Variants in RAPGEF2 observed in about 807,000 individuals in gnomAD.
The protein encoded by RAPGEF2 is PDZ domain containing guanine nucleotide exchange factor (GEF) 1.
A neutral mutation model predicts 186.7 loss-of-function variants in RAPGEF2; 54 were observed. The ratio of observed to expected loss-of-function variants is 0.29; its 90% CI spans 0.23 to 0.36. RAPGEF2 has a LOEUF of 0.36. Ranked by LOEUF, RAPGEF2 falls within the 10% of genes least tolerant of loss-of-function variation. RAPGEF2 has a pLI of 1.00. For missense variants in RAPGEF2, 1,532 were observed against 2,045.0 expected, an observed-to-expected ratio of 0.75 and a Z score of 4.84; for synonymous variants, 712 against 705.9, an observed-to-expected ratio of 1.01 and a Z score of -0.14.
intron 9 of RAPGEF2, among the ~76,000 whole-genome samples, chr4:159,315,006 C>G (rs2111111572): frequency 6.6e-6 from 1 of 150,806 alleles, no homozygotes; most frequent in Admixed American, 6.6e-5. Context: ...ACCCTTTCCA[C>G]ATAAACCCTT....
At position 159,358,116 on chromosome 4, in the gene RAPGEF2, G is replaced by A; in HGVS notation, c.4960G>A (p.Asp1654Asn). ...TTTCTTCCCTGCTGTATTTGCAGAAGATGAACAAGTTTCTGCTGTTTGAGG... is the reference window on the plus strand; with the variant it reads ...TTTCTTCCCTGCTGTATTTGCAGAAAATGAACAAGTTTCTGCTGTTTGAGG... ...SQGFSTEEDE[D>N]EQVSAV Residue 1654 changes from aspartate to asparagine, a missense_variant and splice_region_variant, in exon 30 of 30, where the codon GAT (aspartate) becomes AAT (asparagine). By Grantham distance (23) the Asp-to-Asn change is conservative (BLOSUM62 1). Transcript: ENST00000691494. 2 of 1,612,146 alleles carry A rather than the reference G, an allele frequency of 1.2e-6. No homozygotes were observed. Among genetic ancestry groups the A allele is most frequent in the Non-Finnish European group, 8.5e-7 (1 of 1,179,258 alleles).
At chr4:159,111,156 T>C (rs531669177) in intron 1 of RAPGEF2, among the ~76,000 whole-genome samples, 1 of 152,238 alleles carries the variant, frequency 6.6e-6, no homozygotes, top group South Asian at 2.1e-4. Flanking sequence ...CTTGGTGCGG[T>C]GGTGGTGGGT....
At chr4:159,342,551 ATATTATTTTATT>A (rs1729639978) in intron 20 of RAPGEF2, among the ~76,000 whole-genome samples, 8 of 103,072 alleles carry the variant, frequency 7.8e-5, no homozygotes, top group African/African-American at 1.9e-4. Context: ...ATTTTATTTT[ATATTATTTTATT>A]TTATTTTATT....
At chr4:159,124,409 C>T (rs991949822) in intron 1 of RAPGEF2, among the ~76,000 whole-genome samples, 4 of 151,694 alleles carry the variant, frequency 2.6e-5, no homozygotes, top group East Asian at 2.0e-4. Context: ...CATGGTGGCA[C>T]GCGCCTGTAG....
At chr4:159,351,957 A>C (rs967435484) in intron 26 of RAPGEF2, among the ~76,000 whole-genome samples, 19 of 152,192 alleles carry the variant, frequency 1.2e-4, no homozygotes, top group Non-Finnish European at 1.9e-4. Context: ...TCTCAAAAAC[A>C]AAAAAATCAA....
chr4:159,329,836 T>A, intron 11 of RAPGEF2, 22 bp from the exon 12 acceptor site: 1 of 1,600,604 alleles, frequency 6.2e-7, no homozygotes. Context: ...ATCATTAACA[T>A]GTGACTTATG....
chr4:159,254,068 C>G (rs916583856), intron 7 of RAPGEF2, among the ~76,000 whole-genome samples: 1 of 152,228 alleles, frequency 6.6e-6, no homozygotes, highest in African/African-American at 2.4e-5. Context: ...GCAAACTTCT[C>G]GCTTCATCAT....
At chr4:159,247,296 T>C (rs1754757173) in intron 7 of RAPGEF2, among the ~76,000 whole-genome samples, 3 of 152,202 alleles carry the variant, frequency 2.0e-5, no homozygotes, top group African/African-American at 7.2e-5. Flanking sequence ...CAGGAGAATC[T>C]GCCTCCTTTG....
chr4:159,262,041 A>G (rs934507898), intron 7 of RAPGEF2, among the ~76,000 whole-genome samples: 1 of 152,170 alleles, frequency 6.6e-6, no homozygotes, highest in Non-Finnish European at 1.5e-5. Flanking sequence ...ATAATTACTC[A>G]CCCATCCTGT....
intron 1 of RAPGEF2, among the ~76,000 whole-genome samples, chr4:159,111,756 CATT>C (rs1458137561): frequency 6.6e-6 from 1 of 152,180 alleles, no homozygotes; most frequent in Non-Finnish European, 1.5e-5. Flanking sequence ...TCAGTGGAAT[CATT>C]ATCTTTCTTA....
chr4:159,206,231 C>CG (rs1749979168), intron 3 of RAPGEF2, among the ~76,000 whole-genome samples: 1 of 152,178 alleles, frequency 6.6e-6, no homozygotes, highest in Non-Finnish European at 1.5e-5. Flanking sequence ...CGCCCAGCCG[C>CG]GCAGGATCTT....
At chr4:159,313,550 C>T (rs1456062323) in intron 8 of RAPGEF2, among the ~76,000 whole-genome samples, 1 of 151,940 alleles carries the variant, frequency 6.6e-6, no homozygotes, top group East Asian at 1.9e-4. Flanking sequence ...TTTTATCTTT[C>T]TTTTAAAAAA....
At chr4:159,336,264 AT>A (rs1767403023) in intron 17 of RAPGEF2, among the ~76,000 whole-genome samples, 1 of 151,988 alleles carries the variant, frequency 6.6e-6, no homozygotes. Flanking sequence ...TAGTGCACCC[AT>A]CACCCAAGTA....
chr4:159,252,482 CTG>C (rs1236299351), intron 7 of RAPGEF2, among the ~76,000 whole-genome samples: 1 of 152,190 alleles, frequency 6.6e-6, no homozygotes, highest in Non-Finnish European at 1.5e-5. Context: ...CCCTAACCAA[CTG>C]GGATGTAGAG....
intron 1 of RAPGEF2, among the ~76,000 whole-genome samples, chr4:159,126,109 A>G (rs1293795491): frequency 6.6e-6 from 1 of 152,254 alleles, no homozygotes; most frequent in East Asian, 1.9e-4. Context: ...TTGAAAGTAT[A>G]AAAATTGATT....
intron 7 of RAPGEF2, among the ~76,000 whole-genome samples, chr4:159,295,746 T>TGCGCGC (rs1379863528): frequency 2.4e-5 from 3 of 125,568 alleles, no homozygotes; most frequent in Admixed American, 7.4e-5. Context: ...TGTGTGTGTG[T>TGCGCGC]GTGTGTGTGC....
chr4:159,138,353 C>A (rs1357905695), intron 1 of RAPGEF2, among the ~76,000 whole-genome samples: 1 of 152,160 alleles, frequency 6.6e-6, no homozygotes, highest in Non-Finnish European at 1.5e-5. Context: ...TTTAGTGTTT[C>A]CAAGTTATCC....
Position 159,350,165 on chromosome 4 carries a change from A to T in RAPGEF2, c.3741A>T (p.Lys1247Asn), listed in dbSNP as rs1730968001. 6.3e-7 allele frequency: 1 copy of T among 1,576,382 alleles called. No individual in the cohort carries two copies. Among genetic ancestry groups the T allele is most frequent in the Non-Finnish European group, 8.6e-7 (1 of 1,161,272 alleles). The change falls in exon 26 of 30, where the codon AAA (lysine) becomes AAT (asparagine). Residue 1247 changes from lysine (K) to asparagine (N), a missense_variant. Transcript: ENST00000691494. Reference sequence around the variant, plus strand: ...TAAACTCTCCACAAGCTTTAAAAAAAATTCTTTCTTTGTCTGAAGAAGGAA... The same window carrying T: ...TAAACTCTCCACAAGCTTTAAAAAATATTCTTTCTTTGTCTGAAGAAGGAA... ...FGINSPQALK[K>N]ILSLSEEGSL...
chr4:159,136,501 T>A (rs1024803729), intron 1 of RAPGEF2, among the ~76,000 whole-genome samples: 2 of 152,176 alleles, frequency 1.3e-5, no homozygotes, highest in African/African-American at 4.8e-5. Context: ...AAAGAGGAGA[T>A]GTCCAGTAAG....
Sources: gnomAD v4.1 joint callset for allele counts (sites outside exome capture counted in the v4.1 genomes callset) on GRCh38, gnomAD v4.1.1 for gene constraint, MANE v1.5 for transcripts, NCBI Gene and HGNC (gene_info 2026-07-23, HGNC 2026-07-21) for gene names.